DLG2: variants seen among roughly 807,000 people sequenced by gnomAD.
DLG2 encodes discs large MAGUK scaffold protein 2.
Under a neutral mutation model 132.5 loss-of-function variants are expected in DLG2, and 45 were observed. That is an observed-to-expected ratio of 0.34 (90% CI 0.27 to 0.44). DLG2 has a LOEUF of 0.44. Ranked by LOEUF, DLG2 falls within the 20% of genes least tolerant of loss-of-function variation. The pLI is 1.00. For synonymous variants in DLG2, 424 were observed against 419.6 expected (o/e 1.01, Z -0.13); for missense variants, 1,045 against 1,196.9 (o/e 0.87, Z 1.87).
intron 8 of DLG2, among the ~76,000 whole-genome samples, chr11:84,174,660 C>T (rs1320658824): frequency 1.3e-5 from 2 of 152,156 alleles, no homozygotes; most frequent in Admixed American, 6.6e-5. Context: ...AAAAAAAGGC[C>T]TCTGCCTTTA....
intron 6 of DLG2, among the ~76,000 whole-genome samples, chr11:84,575,617 C>A (rs952486822): frequency 6.6e-6 from 1 of 152,266 alleles, no homozygotes. Context: ...GCATGCAATG[C>A]ATAATAATCA....
chr11:83,567,745 A>G (rs1475334958), intron 19 of DLG2, among the ~76,000 whole-genome samples: 1 of 152,184 alleles, frequency 6.6e-6, no homozygotes, highest in Non-Finnish European at 1.5e-5. Context: ...TGAAGATGGC[A>G]GCTGCATGCA....
At chr11:84,684,685 G>A (rs1390032070) in intron 6 of DLG2, among the ~76,000 whole-genome samples, 3 of 152,170 alleles carry the variant, frequency 2.0e-5, no homozygotes, top group Non-Finnish European at 2.9e-5. Context: ...CCTCTGTAAA[G>A]TGGGAATAAC....
At chr11:83,475,714 TTTTTTTC>T (rs2092548589) in intron 22 of DLG2, among the ~76,000 whole-genome samples, 2 of 134,118 alleles carry the variant, frequency 1.5e-5, no homozygotes, top group Non-Finnish European at 3.4e-5. Flanking sequence ...TTCTCTCTTC[TTTTTTTC>T]TTTTCTTTTC....
intron 6 of DLG2, among the ~76,000 whole-genome samples, chr11:84,765,805 T>C (rs2068330807): frequency 6.6e-6 from 1 of 152,054 alleles, no homozygotes; most frequent in Non-Finnish European, 1.5e-5. Flanking sequence ...GTTTTTTTTA[T>C]AGCAATCAAA....
chr11:84,175,283 C>T (rs531698095), intron 8 of DLG2, among the ~76,000 whole-genome samples: 1 of 152,200 alleles, frequency 6.6e-6, no homozygotes, highest in Admixed American at 6.5e-5. Context: ...ACATACTGTC[C>T]TCTTGCTCGG....
At chr11:84,346,392 G>A (rs951487427) in intron 7 of DLG2, among the ~76,000 whole-genome samples, 3 of 152,134 alleles carry the variant, frequency 2.0e-5, no homozygotes, top group African/African-American at 4.8e-5. Flanking sequence ...TATACAGCAG[G>A]TATCAGTACA....
intron 6 of DLG2, among the ~76,000 whole-genome samples, chr11:84,972,697 C>G (rs556111900): frequency 4.6e-5 from 7 of 152,272 alleles, no homozygotes; most frequent in African/African-American, 1.4e-4. Context: ...AAGTGTTCTC[C>G]CGAATATTAA....
chr11:83,762,278 C>G (rs1252870006), intron 18 of DLG2, among the ~76,000 whole-genome samples: 1 of 152,200 alleles, frequency 6.6e-6, no homozygotes, highest in Non-Finnish European at 1.5e-5. Context: ...AAAGCATAAA[C>G]AACACAGTTT....
chr11:83,764,961 G>T (rs1288520162), intron 18 of DLG2, among the ~76,000 whole-genome samples: 2 of 152,130 alleles, frequency 1.3e-5, no homozygotes, highest in Non-Finnish European at 2.9e-5. Context: ...AGAGATGGCC[G>T]GCACACTCTC....
chr11:85,593,669 C>T (rs1022281545), intron 3 of DLG2, among the ~76,000 whole-genome samples: 48 of 152,120 alleles, frequency 3.2e-4, no homozygotes, highest in African/African-American at 1.1e-3. Context: ...TCCTTCACTT[C>T]CTTATGATCA....
intron 18 of DLG2, chr11:83,725,114 T>A: frequency 1.8e-6 from 1 of 547,914 alleles, no homozygotes; most frequent in Non-Finnish European, 3.3e-6. Flanking sequence ...GGGATTATTT[T>A]CTCCGTTTTA....
At chr11:85,214,224 G>T (rs1197453023) in intron 4 of DLG2, among the ~76,000 whole-genome samples, 1 of 151,996 alleles carries the variant, frequency 6.6e-6, no homozygotes, top group Non-Finnish European at 1.5e-5. Context: ...TTTCTCTATA[G>T]CTCAACTCCT....
chr11:84,834,737 A>C (rs1303017102), intron 6 of DLG2, among the ~76,000 whole-genome samples: 1 of 150,944 alleles, frequency 6.6e-6, no homozygotes, highest in Non-Finnish European at 1.5e-5. Flanking sequence ...TGTAAGATAC[A>C]CTGTATGAGA....
intron 4 of DLG2, among the ~76,000 whole-genome samples, chr11:85,182,956 T>C (rs576946929): frequency 7.3e-5 from 11 of 151,178 alleles, no homozygotes; most frequent in African/African-American, 2.7e-4. Flanking sequence ...TCTCCCAGAA[T>C]GCTCCGGCTT....
At chr11:84,503,460 GCCTGCTAA>G (rs1268278517) in intron 7 of DLG2, among the ~76,000 whole-genome samples, 4 of 152,138 alleles carry the variant, frequency 2.6e-5, no homozygotes, top group Admixed American at 6.5e-5. Context: ...TTCTAACACA[GCCTGCTAA>G]CCAGGACCCC....
intron 6 of DLG2, among the ~76,000 whole-genome samples, chr11:84,731,867 C>T (rs550975479): frequency 1.3e-5 from 2 of 151,974 alleles, no homozygotes; most frequent in Non-Finnish European, 2.9e-5. Flanking sequence ...TCAACATAAT[C>T]AAGATAATAA....
At chr11:85,426,424 C>A (rs926303304) in intron 3 of DLG2, among the ~76,000 whole-genome samples, 2 of 152,150 alleles carry the variant, frequency 1.3e-5, no homozygotes, top group African/African-American at 2.4e-5. Flanking sequence ...TCCTCTGAGA[C>A]AAAACTTCCA....
At chr11:84,405,312 A>G (rs570860185) in intron 7 of DLG2, among the ~76,000 whole-genome samples, 3 of 152,288 alleles carry the variant, frequency 2.0e-5, no homozygotes, top group South Asian at 2.1e-4. Context: ...CTCAATGTCA[A>G]TGAGCCCCTG....
Sources: allele counts gnomAD v4.1 joint callset (sites outside exome capture counted in the v4.1 genomes callset), GRCh38; gene constraint gnomAD v4.1.1; transcripts MANE v1.5; gene names NCBI Gene and HGNC (gene_info 2026-07-23, HGNC 2026-07-21).